TSC22D4: variants seen among roughly 807,000 people sequenced by gnomAD.
TSC22D4 encodes TSC22 domain family protein 4.
Under a neutral mutation model 24.9 loss-of-function variants are expected in TSC22D4, and 5 were observed. That is an observed-to-expected ratio of 0.20 (90% CI 0.10 to 0.42). The LOEUF is 0.42. TSC22D4 is among the 10% of genes least tolerant of loss of function. The pLI is 1.00. For synonymous variants in TSC22D4, 245 were observed against 243.2 expected (o/e 1.01, Z -0.07); for missense variants, 469 against 547.9 (o/e 0.86, Z 1.44).
In TSC22D4 at chr7:100,467,088, C is replaced by A. The variant is rs1020984697; in HGVS notation, c.1059G>T (p.Glu353Asp). Reference sequence around the variant, plus strand: ...TCTCCTGCTCCAGCGCAGCGTTCCGCTCCGCCAATTCCCGGATCTGCTCCT... The same window carrying A: ...TCTCCTGCTCCAGCGCAGCGTTCCGATCCGCCAATTCCCGGATCTGCTCCT... ...VLKEQIRELAERNAALEQENG... is the reference protein window; with the variant it reads ...VLKEQIRELADRNAALEQENG... Residue 353 changes from glutamate (E) to aspartate (D), a missense_variant, in exon 5 of 5, where the codon GAG becomes GAT. Glu to Asp is a conservative substitution (Grantham distance 45, BLOSUM62 2). Transcript: ENST00000300181. 4 of 1,614,010 alleles carry A rather than the reference C, an allele frequency of 2.5e-6. No individual in the cohort carries two copies. In the African/African-American group the frequency reaches 5.3e-5, roughly 22 times the overall value.
intron 4 of TSC22D4, 31 bp from the exon 5 acceptor site, chr7:100,467,199 C>CA: frequency 1.9e-6 from 3 of 1,609,562 alleles, no homozygotes; most frequent in Non-Finnish European, 1.7e-6. Context: ...ACAGCGTCAA[C>CA]GGGGTGGGTG....
At chr7:100,475,806 C>G (rs1188046765) in intron 2 of TSC22D4, among the ~76,000 whole-genome samples, 1 of 151,354 alleles carries the variant, frequency 6.6e-6, no homozygotes, top group East Asian at 1.9e-4. Context: ...TCTGTGAGGC[C>G]CCGGGAGGCC....
chr7:100,467,907 C>T (rs982264876), intron 3 of TSC22D4: 7 of 580,894 alleles, frequency 1.2e-5, no homozygotes, highest in Admixed American at 6.6e-5. Flanking sequence ...CATAAGACGA[C>T]ACCAGGGACT....
intron 1 of TSC22D4, 41 bp from the exon 2 acceptor site, chr7:100,478,348 AGAGTGTGTGTGT>A (rs1267188170): frequency 2.0e-4 from 45 of 224,284 alleles, no homozygotes; most frequent in African/African-American, 1.0e-3. Context: ...AGAGAGAGAG[AGAGTGTGTGTGT>A]GTGTGTGTGT....
rs924450953 is a variant in TSC22D4, at chr7:100,474,666, T to C, written c.763-226A>G. ...CCTAAGGAATGGGAGGAGTGGTGTA[T>C]AGGACATTAGAGAGAGTCTCCCAAG... On this transcript the variant is annotated intron_variant, in intron 2 of 4. Transcript: ENST00000300181. This position sits in a 1 kb window ranked among gnomAD's most constrained non-coding sequence, Gnocchi z 4.3. Among the ~76,000 whole-genome samples, 2 of 152,014 alleles carry C rather than the reference T, an allele frequency of 1.3e-5. No homozygotes were observed. Among genetic ancestry groups the C allele is most frequent in the Non-Finnish European group, 2.9e-5 (2 of 67,984 alleles).
Position 100,477,286 on chromosome 7 carries a change from C to G in TSC22D4, c.753G>C (p.Glu251Asp). 6.7e-7 allele frequency: 1 copy of G among 1,501,814 alleles called. No individual in the cohort carries two copies. The highest frequency in any genetic ancestry group is 8.9e-7 in the Non-Finnish European group (1 of 1,124,698). The allele number at this position is 1,501,814 out of a possible 1,614,324, so 93.0% of individuals were successfully genotyped here. A position where few individuals can be genotyped will look rare whatever the true frequency, so the allele number is the denominator to read the frequency against. The change falls in exon 2 of 5, where the codon GAG (glutamate) becomes GAC (aspartate). Residue 251 changes from glutamate to aspartate, a missense_variant. Glu to Asp is a conservative substitution (Grantham distance 45, BLOSUM62 2). Transcript: ENST00000300181. This position sits in a 1 kb window ranked among gnomAD's most constrained non-coding sequence, Gnocchi z 7.8. ...AGAACCCAGGTCTTACCTGCCCCAT[C>G]TCTTCTGGAGCACCCAACTCCATCC... ...RLRMELGAPE[E>D]MGQVPPLDSR...
chr7:100,466,636 G>T lies in TSC22D4; in HGVS notation c.*323C>A. On this transcript the variant is annotated 3_prime_UTR_variant, in exon 5 of 5. Coordinates refer to ENST00000300181, the MANE Select transcript of TSC22D4 (RefSeq NM_030935.5). The stretch of plus-strand genomic sequence containing the variant: ...GGGCAGAGGAGAGGAGGCACCTCAA[G>T]GGAACAAGATGGGGGTGGGGTGTCT... 2.7e-6 allele frequency: 1 copy of T among 369,406 alleles called. No individual in the cohort carries two copies. Among genetic ancestry groups the T allele is most frequent in the Non-Finnish European group, 4.9e-6 (1 of 204,122 alleles). 22.9% of individuals were successfully genotyped at this position (369,406 alleles called of 1,614,324 possible).
rs35439211 is a variant in TSC22D4 at position 100,478,350 on chromosome 7, AGTGTGTGTGTGTGTGTGT to A, written c.-269-61_-269-44del. On this transcript the variant is annotated intron_variant, in intron 1 of 4. Coordinates refer to ENST00000300181, the MANE Select transcript of TSC22D4 (RefSeq NM_030935.5). ...GAGAGAGAGAGAGAGAGAGAGAGAG[AGTGTGTGTGTGTGTGTGT>A]GTGTGTGTGTGTGTGTGTGTGTGTG... The A allele has an allele frequency of 9.4e-4, 79 of 83,742 alleles. 1 individual carries two copies. Among genetic ancestry groups the A allele is most frequent in the Middle Eastern group, 5.6e-3 (1 of 180 alleles). The allele number at this position is 83,742 out of a possible 1,614,324, so 5.2% of individuals were successfully genotyped here.
chr7:100,469,397 G>A (rs1799352428), intron 3 of TSC22D4, among the ~76,000 whole-genome samples: 1 of 152,074 alleles, frequency 6.6e-6, no homozygotes, highest in Non-Finnish European at 1.5e-5. Context: ...GGGTCTGGCT[G>A]CAGTCTGGGA....
Position 100,477,250 on chromosome 7 carries a change from G to T in TSC22D4, c.762+27C>A, listed in dbSNP as rs561545906. Reference sequence around the variant, plus strand: ...AGATAGAGGTTAGGCCAGGGCTGATGGGCCAGCCCTAGAACCCAGGTCTTA... The same window carrying T: ...AGATAGAGGTTAGGCCAGGGCTGATTGGCCAGCCCTAGAACCCAGGTCTTA... On this transcript the variant is annotated intron_variant, in intron 2 of 4. Transcript: ENST00000300181. The surrounding 1 kb of genome is among the most constrained non-coding windows in gnomAD (Gnocchi z 7.8). The T allele has an allele frequency of 1.5e-5, 22 of 1,457,254 alleles. No individual in the cohort carries two copies. The South Asian group carries it at 3.3e-4, about 22-fold the overall frequency. 90.3% of individuals were successfully genotyped at this position (1,457,254 alleles called of 1,614,324 possible).
At position 100,466,824 on chromosome 7, in the gene TSC22D4, G is replaced by A. The variant is rs971685559; in HGVS notation, c.*135C>T. The A allele has an allele frequency of 1.1e-5, 9 of 855,006 alleles. No individual in the cohort carries two copies. Among genetic ancestry groups the A allele is most frequent in the African/African-American group, 6.9e-5 (4 of 58,316 alleles). 53.0% of individuals were successfully genotyped at this position (855,006 alleles called of 1,614,324 possible). On this transcript the variant is annotated 3_prime_UTR_variant, in exon 5 of 5. Transcript: ENST00000300181. ...ATGATGAGGAGATGGGGCAGGGGCC[G>A]GGGGACCAGGCCATTACTGAGCCTT...
In TSC22D4 at chr7:100,477,190, GA is replaced by G. The variant is rs1192787942; in HGVS notation, c.762+86del. The G allele has an allele frequency of 0.067, 66,876 of 1,000,488 alleles. 1,186 individuals are homozygous for G. The highest frequency in any genetic ancestry group is 0.08 in the African/African-American group (4,404 of 54,744). The allele number at this position is 1,000,488 out of a possible 1,614,324, so 62.0% of individuals were successfully genotyped here. A position where few individuals can be genotyped will look rare whatever the true frequency, so the allele number is the denominator to read the frequency against. On this transcript the variant is annotated intron_variant, in intron 2 of 4. Transcript: ENST00000300181. This position sits in a 1 kb window ranked among gnomAD's most constrained non-coding sequence, Gnocchi z 7.8. ...ATCTTATAAAGTGATGGAGAAGGAGGAGGAGAGGGGGGGGAGGAGGAGGAAG... is the reference window on the plus strand; with the variant it reads ...ATCTTATAAAGTGATGGAGAAGGAGGGGAGAGGGGGGGGAGGAGGAGGAAG...
rs1036956519 is a variant in TSC22D4 at position 100,479,019 on chromosome 7, G to T, written c.-495C>A. On this transcript the variant is annotated 5_prime_UTR_variant, in exon 1 of 5. Coordinates refer to ENST00000300181, the MANE Select transcript of TSC22D4 (RefSeq NM_030935.5). Reference sequence around the variant, plus strand: ...CCCGCGCCTCCTCCGAGGAGCCTAGGAGCGGCCTCTGAAGCCCCAAGGGTC... The same window carrying T: ...CCCGCGCCTCCTCCGAGGAGCCTAGTAGCGGCCTCTGAAGCCCCAAGGGTC... 6.6e-6 allele frequency: 1 copy of T among 152,186 alleles called. No homozygotes were observed. The highest frequency in any genetic ancestry group is 2.1e-4 in the South Asian group (1 of 4,828). 9.4% of individuals were successfully genotyped at this position (152,186 alleles called of 1,614,324 possible).
At chr7:100,472,700 GC>G (rs2131046828) in intron 3 of TSC22D4, among the ~76,000 whole-genome samples, 1 of 151,736 alleles carries the variant, frequency 6.6e-6, no homozygotes, top group South Asian at 2.1e-4. Flanking sequence ...ACCCAGTCCT[GC>G]CCAGCCCCGC....
intron 2 of TSC22D4, among the ~76,000 whole-genome samples, chr7:100,475,728 G>C (rs915646169): frequency 6.6e-6 from 1 of 151,066 alleles, no homozygotes; most frequent in Non-Finnish European, 1.5e-5. Flanking sequence ...GCGTGGACCT[G>C]CATAGCCCAA....
At position 100,477,704 on chromosome 7, in the gene TSC22D4, A is replaced by C. The variant is rs1799529387; in HGVS notation, c.335T>G (p.Ile112Ser). 1 of 1,597,962 alleles carries C rather than the reference A, an allele frequency of 6.3e-7. No individual in the cohort carries two copies. The highest frequency in any genetic ancestry group is 8.5e-7 in the Non-Finnish European group (1 of 1,178,240). The change falls in exon 2 of 5, where the codon ATT becomes AGT. Residue 112 changes from isoleucine (I) to serine (S), a missense_variant. Transcript: ENST00000300181. This position sits in a 1 kb window ranked among gnomAD's most constrained non-coding sequence, Gnocchi z 7.8. The part of the protein sequence containing the change: ...PHSFGGLLEG[I>S]RGASGGAGGR... ...CCCGGCGCCCCCTGAGGCCCCTCGAATTCCCTCCAGGAGTCCGCCGAAGCT... is the reference window on the plus strand; with the variant it reads ...CCCGGCGCCCCCTGAGGCCCCTCGACTTCCCTCCAGGAGTCCGCCGAAGCT...
chr7:100,470,890 G>C (rs1044982110), intron 3 of TSC22D4, among the ~76,000 whole-genome samples: 3 of 152,178 alleles, frequency 2.0e-5, no homozygotes, highest in Admixed American at 1.3e-4. Context: ...AATATGAGCG[G>C]CACCCCCTGG....
At position 100,467,225 on chromosome 7, in the gene TSC22D4, A is replaced by G. The variant is rs1799297569; in HGVS notation, c.979-57T>C. The G allele has an allele frequency of 3.9e-6, 6 of 1,554,972 alleles. No homozygotes were observed. The South Asian group carries it at 6.7e-5, about 17-fold the overall frequency. On this transcript the variant is annotated intron_variant, in intron 4 of 4. Coordinates refer to ENST00000300181, the MANE Select transcript of TSC22D4 (RefSeq NM_030935.5). Reference sequence around the variant, plus strand: ...GGGGTGGGTGCCTCATCCCCTGCCCAGTGCCTTGAGGGCTGGGGTGGGAGA... The same window carrying G: ...GGGGTGGGTGCCTCATCCCCTGCCCGGTGCCTTGAGGGCTGGGGTGGGAGA...
At position 100,474,434 on chromosome 7, in the gene TSC22D4, G is replaced by T; in HGVS notation, c.769C>A (p.Pro257Thr). Residue 257 changes from proline to threonine, a missense_variant, in exon 3 of 5, where the codon CCA (proline) becomes ACA (threonine). Pro to Thr is a conservative substitution (Grantham distance 38, BLOSUM62 -1). Transcript: ENST00000300181. The surrounding 1 kb of genome is among the most constrained non-coding windows in gnomAD (Gnocchi z 4.3). ...GAPEEMGQVP[P>T]LDSRPSSPAL... Reference sequence around the variant, plus strand: ...GGGGAGCTGGGGCGAGAGTCAAGTGGGGGCACCTGGAGGCGGAGAGGTAGG... The same window carrying T: ...GGGGAGCTGGGGCGAGAGTCAAGTGTGGGCACCTGGAGGCGGAGAGGTAGG... 1.2e-6 allele frequency: 2 copies of T among 1,613,952 alleles called. No individual in the cohort carries two copies. The highest frequency in any genetic ancestry group is 1.1e-5 in the South Asian group (1 of 91,076).
Sources: gnomAD v4.1 joint callset for allele counts (sites outside exome capture counted in the v4.1 genomes callset) on GRCh38, gnomAD v4.1.1 for gene constraint, Gnocchi (gnomAD v3.1) non-coding constraint, MANE v1.5 for transcripts, NCBI Gene and HGNC (gene_info 2026-07-23, HGNC 2026-07-21) for gene names.